Variants in GALNT2 observed in about 807,000 individuals in gnomAD.
GALNT2 encodes polypeptide N-acetylgalactosaminyltransferase 2, also known as UDP-GalNAc:polypeptide N-acetylgalactosaminyltransferase 2.
A neutral mutation model predicts 81.4 loss-of-function variants in GALNT2; 31 were observed. The ratio of observed to expected loss-of-function variants is 0.38; its 90% confidence interval spans 0.29 to 0.51. The LOEUF is 0.51. Among genes scored for constraint, GALNT2 ranks in the 20% least tolerant of loss-of-function variants. GALNT2 has a pLI of 0.87. For synonymous variants in GALNT2, 303 were observed against 287.4 expected (o/e 1.05, Z -0.55); for missense variants, 629 against 765.7 (o/e 0.82, Z 2.11).
At chr1:230,078,333 A>G (rs1049339152) in intron 1 of GALNT2, among the ~76,000 whole-genome samples, 3 of 152,250 alleles carry the variant, frequency 2.0e-5, no homozygotes, top group African/African-American at 4.8e-5. Flanking sequence ...CAGTGGGTTC[A>G]TGGAGTTCAT....
chr1:230,236,117 G>A lies in GALNT2; in HGVS notation c.473+5G>A. Reference sequence around the variant, plus strand: ...CCTACTCAGGACCGTGGTCAGGTGAGGCCAGGAGATGCATTACCTGTCAGG... The same window carrying A: ...CCTACTCAGGACCGTGGTCAGGTGAAGCCAGGAGATGCATTACCTGTCAGG... On this transcript the variant is annotated splice_donor_5th_base_variant and intron_variant, in intron 4 of 15. Coordinates refer to ENST00000366672, the MANE Select transcript of GALNT2 (RefSeq NM_004481.5). 2 of 1,613,208 alleles carry A rather than the reference G, an allele frequency of 1.2e-6. No individual in the cohort carries two copies. The highest frequency in any genetic ancestry group is 2.7e-5 in the African/African-American group (2 of 75,022).
intron 1 of GALNT2, among the ~76,000 whole-genome samples, chr1:230,108,823 C>T (rs532070000): frequency 4.7e-5 from 7 of 149,822 alleles, no homozygotes; most frequent in Non-Finnish European, 8.9e-5. Flanking sequence ...TGACATTGCC[C>T]GGCATTGTCA....
At position 230,258,573 on chromosome 1, in the gene GALNT2, A is replaced by G. The variant is rs976679994; in HGVS notation, c.1136+3229A>G. The stretch of plus-strand genomic sequence containing the variant: ...AGATTATACAATACACCTATTATAC[A>G]GAAGTCAGATTTTTCACATAGGGAA... On this transcript the variant is annotated intron_variant, in intron 11 of 15. Transcript: ENST00000366672. 4 of 152,224 alleles carry G rather than the reference A, an allele frequency of 2.6e-5. No homozygotes were observed. The South Asian group carries it at 6.2e-4, about 24-fold the overall frequency. The allele number at this position is 152,224 out of a possible 1,614,324, so 9.4% of individuals were successfully genotyped here.
rs371368236 is a variant in GALNT2, at chr1:230,246,184, G to A, written c.817+34G>A. The A allele has an allele frequency of 5.1e-5, 76 of 1,486,842 alleles. 2 individuals are homozygous for A. The highest frequency in any genetic ancestry group is 3.9e-4 in the African/African-American group (28 of 72,284). 92.1% of individuals were successfully genotyped at this position (1,486,842 alleles called of 1,614,324 possible). ...CTGTCATGGTGCCCCTGCCTAGCTCGTCCCGTCTACACCAGCATCTGATCA... is the reference window on the plus strand; with the variant it reads ...CTGTCATGGTGCCCCTGCCTAGCTCATCCCGTCTACACCAGCATCTGATCA... On this transcript the variant is annotated intron_variant, in intron 8 of 15. Transcript: ENST00000366672.
intron 1 of GALNT2, among the ~76,000 whole-genome samples, chr1:230,090,852 C>G (rs1660049984): frequency 6.6e-6 from 1 of 152,124 alleles, no homozygotes. Flanking sequence ...AGAGAATGAT[C>G]ATGGGTCTAA....
intron 15 of GALNT2, among the ~76,000 whole-genome samples, chr1:230,278,112 C>CTTT (rs34767763): frequency 3.3e-5 from 4 of 121,176 alleles, no homozygotes; most frequent in East Asian, 4.7e-4. Context: ...GTTTTTCTTT[C>CTTT]TTTTTTTTTT....
In GALNT2 at chr1:230,243,440, G is replaced by A. The variant is rs764168215; in HGVS notation, c.729+13G>A. On this transcript the variant is annotated intron_variant, in intron 7 of 15. Transcript: ENST00000366672. This position sits in a 1 kb window ranked among gnomAD's most constrained non-coding sequence, Gnocchi z 4.2. ...AAGGGTGGCGGAGGTGAGATGACGG[G>A]GGCTGGGAGGGGTGTCAGGTCGTGG... is the stretch of plus-strand genomic sequence containing the variant. The A allele has an allele frequency of 6.8e-6, 11 of 1,608,998 alleles. No homozygotes were observed. The highest frequency in any genetic ancestry group is 2.2e-5 in the East Asian group (1 of 44,772).
intron 3 of GALNT2, among the ~76,000 whole-genome samples, chr1:230,229,199 GC>G (rs1464418621): frequency 7.2e-5 from 11 of 152,108 alleles, no homozygotes; most frequent in Admixed American, 6.5e-4. Context: ...AATGCTTCTG[GC>G]TGACAAAGGA....
intron 1 of GALNT2, among the ~76,000 whole-genome samples, chr1:230,134,431 G>C (rs754467821): frequency 1.3e-5 from 2 of 152,162 alleles, no homozygotes; most frequent in Non-Finnish European, 2.9e-5. Flanking sequence ...GAGAAGTGCA[G>C]CTCTAAGTTG....
At chr1:230,094,563 G>A (rs552225984) in intron 1 of GALNT2, among the ~76,000 whole-genome samples, 57 of 152,216 alleles carry the variant, frequency 3.7e-4, no homozygotes, top group African/African-American at 1.3e-3. Flanking sequence ...ACTTGAACCC[G>A]GGAGGCGGAG....
intron 3 of GALNT2, 38 bp from the exon 4 acceptor site, chr1:230,235,976 G>A (rs1665013304): frequency 1.3e-6 from 2 of 1,592,566 alleles, no homozygotes; most frequent in Non-Finnish European, 1.7e-6. Context: ...GCTGCTCTGG[G>A]GGTCATTGTT....
chr1:230,181,351 A>G (rs1410113028), intron 2 of GALNT2, among the ~76,000 whole-genome samples: 2 of 152,146 alleles, frequency 1.3e-5, no homozygotes, highest in African/African-American at 4.8e-5. Flanking sequence ...TGATATGATC[A>G]TGTGATTTTT....
intron 1 of GALNT2, among the ~76,000 whole-genome samples, chr1:230,061,042 C>G (rs144223464): frequency 1.2e-4 from 19 of 152,250 alleles, no homozygotes; most frequent in African/African-American, 4.3e-4. Context: ...CCAGTGAACT[C>G]TTACAGTGGA....
chr1:230,119,940 A>C (rs1479138632), intron 1 of GALNT2, among the ~76,000 whole-genome samples: 1 of 152,070 alleles, frequency 6.6e-6, no homozygotes, highest in Non-Finnish European at 1.5e-5. Context: ...ATACTGTGGT[A>C]AGATTCCCGG....
At position 230,263,006 on chromosome 1, in the gene GALNT2, G is replaced by GT. The variant is rs770598411; in HGVS notation, c.1313+2dup. 1 of 1,613,386 alleles carries GT rather than the reference G, an allele frequency of 6.2e-7. No homozygotes were observed. Among genetic ancestry groups the GT allele is most frequent in the African/African-American group, 1.3e-5 (1 of 74,996 alleles). ...TTGAAAATGTCTATCCAGAGTTAAG[G>GT]TAAGTCCCCAGGGATCTGGGGTTTC... On this transcript the variant is annotated splice_donor_variant, in intron 13 of 15. Transcript: ENST00000366672. LOFTEE classifies it high-confidence loss of function.
At chr1:230,116,283 G>T (rs1660844734) in intron 1 of GALNT2, among the ~76,000 whole-genome samples, 1 of 151,974 alleles carries the variant, frequency 6.6e-6, no homozygotes, top group Non-Finnish European at 1.5e-5. Flanking sequence ...AGGCTGGAGT[G>T]CAGTGGCACG....
chr1:230,164,415 A>G (rs1662534966), intron 1 of GALNT2, among the ~76,000 whole-genome samples: 1 of 152,226 alleles, frequency 6.6e-6, no homozygotes, highest in Admixed American at 6.5e-5. Flanking sequence ...TCTTGGAGAA[A>G]GCAAAGATTC....
intron 1 of GALNT2, among the ~76,000 whole-genome samples, chr1:230,118,520 C>T (rs560843788): frequency 4.6e-5 from 7 of 152,346 alleles, no homozygotes; most frequent in African/African-American, 1.7e-4. Context: ...CTGGGAGGCC[C>T]CTCTCTTTTA....
Position 230,269,188 on chromosome 1 carries a change from C to T in GALNT2, c.1440+3821C>T, listed in dbSNP as rs1236745584. On this transcript the variant is annotated intron_variant, in intron 14 of 15. Transcript: ENST00000366672. ...ACGGAGTTTGGCTGTGTTGCCCAGGCTTTTTTTTTTTTTTTGAGACGGAGT... is the reference window on the plus strand; with the variant it reads ...ACGGAGTTTGGCTGTGTTGCCCAGGTTTTTTTTTTTTTTTTGAGACGGAGT... 5.7e-5 allele frequency among the ~76,000 whole-genome samples: 6 copies of T among 105,676 alleles called. No individual in the cohort carries two copies. In the East Asian group the frequency reaches 1.2e-3, roughly 20 times the overall value. The allele number at this position is 105,676 out of a possible 152,430, so 69.3% of individuals were successfully genotyped here. A position where few individuals can be genotyped will look rare whatever the true frequency, so the allele number is the denominator to read the frequency against.
Sources: allele counts gnomAD v4.1 joint callset (sites outside exome capture counted in the v4.1 genomes callset), GRCh38; gene constraint gnomAD v4.1.1; non-coding constraint Gnocchi (gnomAD v3.1); transcripts MANE v1.5; gene names NCBI Gene and HGNC (gene_info 2026-07-23, HGNC 2026-07-21).